Variants in LZTFL1 observed in about 807,000 individuals in gnomAD.
LZTFL1 encodes the protein leucine zipper transcription factor like 1, also known as leucine zipper transcription factor-like protein 1.
LZTFL1 carries 25 observed loss-of-function variants against 45.9 expected under a neutral mutation model. The observed-to-expected ratio is 0.54, with a 90% CI of 0.40 to 0.76. LZTFL1 has a LOEUF of 0.76. LZTFL1 is among the 30% of genes least tolerant of loss of function. The pLI is 0.00. For synonymous variants in LZTFL1, 93 were observed against 117.4 expected, an observed-to-expected ratio of 0.79 and a Z score of 1.35; for missense variants, 277 against 331.1, an observed-to-expected ratio of 0.84 and a Z score of 1.27.
At chr3:45,871,391 A>G (rs1000703592) in intron 2 of LZTFL1, among the ~76,000 whole-genome samples, 2 of 152,202 alleles carry the variant, frequency 1.3e-5, no homozygotes, top group African/African-American at 2.4e-5. Context: ...TGCCTATTTG[A>G]AGGGTGAAAA....
At chr3:45,885,725 A>T (rs1701963692) in intron 2 of LZTFL1, among the ~76,000 whole-genome samples, 2 of 152,160 alleles carry the variant, frequency 1.3e-5, no homozygotes, top group Non-Finnish European at 2.9e-5. Flanking sequence ...AACACTTAAA[A>T]CATTTTTCTT....
intron 2 of LZTFL1, chr3:45,883,501 T>C (rs745469236): frequency 2.4e-5 from 5 of 207,924 alleles, no homozygotes; most frequent in Non-Finnish European, 4.8e-5. Context: ...CTGAAAATAG[T>C]CTGGTGATTA....
intron 5 of LZTFL1, 49 bp downstream of exon 5, chr3:45,833,001 T>A: frequency 7.2e-7 from 1 of 1,388,942 alleles, no homozygotes; most frequent in Non-Finnish European, 1.0e-6. Flanking sequence ...CCCTAGGCAA[T>A]GACAGGACAG....
At chr3:45,903,729 G>A (rs372722315) in intron 2 of LZTFL1, among the ~76,000 whole-genome samples, 18 of 152,214 alleles carry the variant, frequency 1.2e-4, no homozygotes, top group Admixed American at 9.2e-4. Flanking sequence ...CATGCTGCCC[G>A]TGAGGGGGCA....
At chr3:45,913,040 G>T in intron 2 of LZTFL1, 1 of 1,317,086 alleles carries the variant, frequency 7.6e-7, no homozygotes, top group Non-Finnish European at 1.0e-6. Context: ...AAATGAGAAT[G>T]GTTTAGAGAA....
chr3:45,861,628 A>C (rs1454666741), intron 2 of LZTFL1, among the ~76,000 whole-genome samples: 1 of 152,098 alleles, frequency 6.6e-6, no homozygotes, highest in African/African-American at 2.4e-5. Flanking sequence ...CTCTCTGTGC[A>C]TGTGTGTGTG....
chr3:45,870,245 C>T (rs1385922866), intron 2 of LZTFL1, among the ~76,000 whole-genome samples: 1 of 152,218 alleles, frequency 6.6e-6, no homozygotes, highest in Non-Finnish European at 1.5e-5. Flanking sequence ...TGTCAGGCTA[C>T]ACCCACAGAC....
intron 2 of LZTFL1, among the ~76,000 whole-genome samples, chr3:45,883,356 A>T (rs1701897407): frequency 2.0e-5 from 3 of 152,234 alleles, no homozygotes; most frequent in Admixed American, 2.0e-4. Flanking sequence ...GCAAAAGCTC[A>T]TATATCATGT....
At chr3:45,827,522 C>A (rs1002624427) in intron 8 of LZTFL1, 63 bp from the exon 9 acceptor site, 2 of 987,950 alleles carry the variant, frequency 2.0e-6, no homozygotes, top group African/African-American at 1.6e-5. Flanking sequence ...ATAACAAATG[C>A]GATAAAAATA....
chr3:45,862,001 T>A (rs1219134263), intron 2 of LZTFL1, among the ~76,000 whole-genome samples: 1 of 152,222 alleles, frequency 6.6e-6, no homozygotes, highest in Non-Finnish European at 1.5e-5. Context: ...GTCATTCTTA[T>A]GGAGCTCATT....
intron 2 of LZTFL1, chr3:45,894,962 C>T (rs969391050): frequency 1.9e-6 from 3 of 1,613,674 alleles, no homozygotes; most frequent in Admixed American, 1.7e-5. Flanking sequence ...ACAGTGAGTA[C>T]AGCCGTGCTC....
At chr3:45,862,282 A>C (rs529556496) in intron 2 of LZTFL1, among the ~76,000 whole-genome samples, 1 of 152,248 alleles carries the variant, frequency 6.6e-6, no homozygotes, top group Admixed American at 6.5e-5. Flanking sequence ...CCAGCCAGGA[A>C]CAGGCGGACC....
At chr3:45,906,393 A>C (rs1702679085) in intron 2 of LZTFL1, among the ~76,000 whole-genome samples, 1 of 152,202 alleles carries the variant, frequency 6.6e-6, no homozygotes, top group South Asian at 2.1e-4. Flanking sequence ...CAAGTAACTC[A>C]TCTGAGCCCA....
At chr3:45,909,443 T>TCTTTC (rs1325156003) in intron 2 of LZTFL1, among the ~76,000 whole-genome samples, 1 of 152,234 alleles carries the variant, frequency 6.6e-6, no homozygotes, top group Non-Finnish European at 1.5e-5. Context: ...TTCCCACTTT[T>TCTTTC]CTTTCCTTTC....
At chr3:45,881,145 A>G (rs1701851281) in intron 2 of LZTFL1, among the ~76,000 whole-genome samples, 1 of 152,236 alleles carries the variant, frequency 6.6e-6, no homozygotes, top group African/African-American at 2.4e-5. Context: ...AGGATGACAC[A>G]TATTTCCCTT....
intron 2 of LZTFL1, chr3:45,903,152 A>C (rs1702610420): frequency 6.0e-6 from 1 of 167,104 alleles, no homozygotes; most frequent in Non-Finnish European, 1.5e-5. Flanking sequence ...AAGTGTGTGC[A>C]ATTAAAGATC....
intron 2 of LZTFL1, among the ~76,000 whole-genome samples, chr3:45,897,818 G>A (rs937088992): frequency 3.3e-5 from 5 of 151,624 alleles, no homozygotes; most frequent in East Asian, 3.9e-4. Context: ...GCTGCTCCTC[G>A]CTACCTGGAG....
intron 2 of LZTFL1, among the ~76,000 whole-genome samples, chr3:45,873,485 A>C (rs1400305501): frequency 1.3e-5 from 2 of 152,206 alleles, no homozygotes; most frequent in Non-Finnish European, 2.9e-5. Context: ...AATATTAATA[A>C]ACACTGCTAT....
intron 4 of LZTFL1, among the ~76,000 whole-genome samples, chr3:45,850,815 C>T (rs1291232546): frequency 1.3e-5 from 2 of 152,174 alleles, no homozygotes; most frequent in African/African-American, 4.8e-5. Flanking sequence ...AGCCGCTCAA[C>T]CAGCCCTCCC....
Sources: allele counts gnomAD v4.1 joint callset (sites outside exome capture counted in the v4.1 genomes callset), GRCh38; gene constraint gnomAD v4.1.1; transcripts MANE v1.5; gene names NCBI Gene and HGNC (gene_info 2026-07-23, HGNC 2026-07-21).